The following SHISA7 variants were observed in gnomAD, a reference collection of about 807,000 sequenced individuals.
SHISA7 encodes the protein protein shisa-7.
Under a neutral mutation model 23.9 loss-of-function variants are expected in SHISA7, and 6 were observed. That is an observed-to-expected ratio of 0.25 (90% confidence interval 0.14 to 0.50). SHISA7 has a LOEUF of 0.50. Ranked by LOEUF, SHISA7 falls within the 20% of genes least tolerant of loss-of-function variation. The pLI is 0.98. For missense variants in SHISA7, 671 were observed against 801.1 expected (o/e 0.84, Z 1.96); for synonymous variants, 386 against 398.3 (o/e 0.97, Z 0.37).
chr19:55,433,310 G>A lies in SHISA7; in HGVS notation c.1463C>T (p.Pro488Leu), dbSNP rs940393004. ...CCCGCCGGCGTCGGACATCCAGGCC[G>A]GCTGCGGCGAGCCGTGCAGGGCGTG... ...HHHALHGSPQPAWMSDAGGGG... is the reference protein window; with the variant it reads ...HHHALHGSPQLAWMSDAGGGG... Residue 488 changes from proline (P) to leucine (L), a missense_variant, in exon 4 of 4, where the codon CCG (proline) becomes CTG (leucine). Physicochemically the swap from Pro to Leu is moderately conservative, Grantham distance 98 (BLOSUM62 -3). Around this residue, in one of 5 missense-constraint regions of SHISA7, gnomAD observed 457 missense variants for 488.3 expected, o/e 0.94. Coordinates refer to ENST00000376325, the MANE Select transcript of SHISA7 (RefSeq NM_001145176.2). This position sits in a 1 kb window ranked among gnomAD's most constrained non-coding sequence, Gnocchi z 8.4. 2.0e-6 allele frequency: 3 copies of A among 1,488,014 alleles called. No homozygotes were observed. Among genetic ancestry groups the A allele is most frequent in the Non-Finnish European group, 2.7e-6 (3 of 1,127,606 alleles). The allele number at this position is 1,488,014 out of a possible 1,614,324, so 92.2% of individuals were successfully genotyped here. A position where few individuals can be genotyped will look rare whatever the true frequency, so the allele number is the denominator to read the frequency against.
chr19:55,434,935 G>A (rs1306639114), intron 3 of SHISA7, among the ~76,000 whole-genome samples: 2 of 117,348 alleles, frequency 1.7e-5, no homozygotes, highest in African/African-American at 6.6e-5. Context: ...TGTATATGTG[G>A]TGTGTGTATG....
In SHISA7 at chr19:55,433,379, A is replaced by G; in HGVS notation, c.1394T>C (p.Leu465Pro). ...GCTGGACGGTGGCGGCAGCCCGCGC[A>G]GCGGTGTTGGGGGCCCCCCGGGCCC... ...LLGPGGPPTP[L>P]RGLPPPSSLH... The change falls in exon 4 of 4, where the codon CTG becomes CCG. Residue 465 changes from leucine to proline, a missense_variant. Leu to Pro is a moderately conservative substitution (Grantham distance 98). Transcript: ENST00000376325. This position sits in a 1 kb window ranked among gnomAD's most constrained non-coding sequence, Gnocchi z 8.4. 6.7e-6 allele frequency: 9 copies of G among 1,344,700 alleles called. No individual in the cohort carries two copies. The highest frequency in any genetic ancestry group is 8.5e-6 in the Non-Finnish European group (9 of 1,057,408). The allele number at this position is 1,344,700 out of a possible 1,614,324, so 83.3% of individuals were successfully genotyped here. A position where few individuals can be genotyped will look rare whatever the true frequency, so the allele number is the denominator to read the frequency against.
chr19:55,434,428 TGTGTGTGGTGTGTGTGTGTGG>T (rs1356710575), intron 3 of SHISA7, among the ~76,000 whole-genome samples: 3 of 133,982 alleles, frequency 2.2e-5, no homozygotes, highest in Non-Finnish European at 4.7e-5. Flanking sequence ...GTGTATGGTG[TGTGTGTGGTGTGTGTGTGTGG>T]GTGTGTGGTT....
At position 55,437,765 on chromosome 19, in the gene SHISA7, G is replaced by C; in HGVS notation, c.827-11C>G. On this transcript the variant is annotated splice_polypyrimidine_tract_variant and intron_variant, in intron 2 of 3. Transcript: ENST00000376325. ...GCAAGGCTCGCCAGTCTGGGTTAGAGGGGGCAGGGCCAGGGTCAGTCAGCT... is the reference window on the plus strand; with the variant it reads ...GCAAGGCTCGCCAGTCTGGGTTAGACGGGGCAGGGCCAGGGTCAGTCAGCT... The C allele has an allele frequency of 1.3e-6, 2 of 1,548,682 alleles. No homozygotes were observed. The highest frequency in any genetic ancestry group is 1.7e-6 in the Non-Finnish European group (2 of 1,145,772).
rs1392395972 is a variant in SHISA7, at chr19:55,433,086, C to G, written c.*70G>C. On this transcript the variant is annotated 3_prime_UTR_variant, in exon 4 of 4. Transcript: ENST00000376325. The surrounding 1 kb of genome is among the most constrained non-coding windows in gnomAD (Gnocchi z 8.4). ...GCCCCAGGCCCCTGGCATGTGTGCG[C>G]CTGTGTCGGGGGATCCAGGCTGGGA... 6.9e-7 allele frequency: 1 copy of G among 1,455,034 alleles called. No homozygotes were observed. The highest frequency in any genetic ancestry group is 9.0e-7 in the Non-Finnish European group (1 of 1,110,496). 90.1% of individuals were successfully genotyped at this position (1,455,034 alleles called of 1,614,324 possible). A position where few individuals can be genotyped will look rare whatever the true frequency, so the allele number is the denominator to read the frequency against.
chr19:55,434,826 TGTGTGGTGTGTG>T (rs1985365027), intron 3 of SHISA7, among the ~76,000 whole-genome samples: 3 of 71,990 alleles, frequency 4.2e-5, no homozygotes, highest in Non-Finnish European at 7.8e-5. Context: ...TGTGTATGTG[TGTGTGGTGTGTG>T]GTGTGTGTGT....
At chr19:55,438,857 C>T (rs1985528740) in intron 2 of SHISA7, among the ~76,000 whole-genome samples, 1 of 109,572 alleles carries the variant, frequency 9.1e-6, no homozygotes, top group Non-Finnish European at 1.8e-5. Flanking sequence ...GTGGTCTGTC[C>T]CAAGTTCTTA....
At chr19:55,437,263 A>G (rs1002875078) in intron 3 of SHISA7, among the ~76,000 whole-genome samples, 1 of 152,226 alleles carries the variant, frequency 6.6e-6, no homozygotes, top group Non-Finnish European at 1.5e-5. Flanking sequence ...TTGAGCCCCC[A>G]AAACAGCCAC....
intron 2 of SHISA7, among the ~76,000 whole-genome samples, chr19:55,439,003 C>T (rs1985533630): frequency 6.6e-6 from 1 of 152,162 alleles, no homozygotes; most frequent in South Asian, 2.1e-4. Context: ...CCTCCTGGAT[C>T]ACCAAAGCAG....
rs1985132710 is a variant in SHISA7, at chr19:55,429,838, C to G, written c.*3318G>C. On this transcript the variant is annotated 3_prime_UTR_variant, in exon 4 of 4. Transcript: ENST00000376325. The stretch of plus-strand genomic sequence containing the variant: ...GAGCACCCCTGGTCCCGCAGATGTG[C>G]TGGCAGGGACCATTGCTCTCCAGTG... 1 of 152,092 alleles carries G rather than the reference C, an allele frequency of 6.6e-6. No homozygotes were observed. The highest frequency in any genetic ancestry group is 6.5e-5 in the Admixed American group (1 of 15,276). The allele number at this position is 152,092 out of a possible 1,614,324, so 9.4% of individuals were successfully genotyped here. A position where few individuals can be genotyped will look rare whatever the true frequency, so the allele number is the denominator to read the frequency against.
intron 2 of SHISA7, chr19:55,438,488 G>T: frequency 8.0e-7 from 1 of 1,246,678 alleles, no homozygotes; most frequent in Non-Finnish European, 1.1e-6. Flanking sequence ...TGGGCACCTG[G>T]CATGGCTGGC....
At position 55,442,715 on chromosome 19, in the gene SHISA7, C is replaced by G; in HGVS notation, c.149G>C (p.Gly50Ala). The G allele has an allele frequency of 9.8e-7, 1 of 1,022,122 alleles. No homozygotes were observed. The allele number at this position is 1,022,122 out of a possible 1,614,324, so 63.3% of individuals were successfully genotyped here. ...GGCGCCTGGGCTCGCCGCGCCCCCGCCGCCCGTCAGCGCCCCGGTCAGGCG... is the reference window on the plus strand; with the variant it reads ...GGCGCCTGGGCTCGCCGCGCCCCCGGCGCCCGTCAGCGCCCCGGTCAGGCG... ...LRRLTGALTG[G>A]GGAASPGANG... Residue 50 changes from glycine (G) to alanine (A), a missense_variant, in exon 1 of 4, where the codon GGC (glycine) becomes GCC (alanine). This residue lies in a region of SHISA7 where 96 missense variants were observed against 113.1 expected (regional missense o/e 0.85). Coordinates refer to ENST00000376325, the MANE Select transcript of SHISA7 (RefSeq NM_001145176.2).
chr19:55,438,484 C>T lies in SHISA7; in HGVS notation c.827-730G>A, dbSNP rs1046845866. On this transcript the variant is annotated intron_variant, in intron 2 of 3. Transcript: ENST00000376325. ...TCTCACTCCTGCTCTATACTGGGCA[C>T]CTGGCATGGCTGGCCCAACACAAAG... 195 of 1,238,332 alleles carry T rather than the reference C, an allele frequency of 1.6e-4. No individual in the cohort carries two copies. The Admixed American group carries it at 4.1e-3, about 26-fold the overall frequency. The allele number at this position is 1,238,332 out of a possible 1,614,324, so 76.7% of individuals were successfully genotyped here. A position where few individuals can be genotyped will look rare whatever the true frequency, so the allele number is the denominator to read the frequency against.
chr19:55,442,571 C>T lies in SHISA7; in HGVS notation c.293G>A (p.Cys98Tyr). 6.8e-7 allele frequency: 1 copy of T among 1,476,230 alleles called. No individual in the cohort carries two copies. Among genetic ancestry groups the T allele is most frequent in the Non-Finnish European group, 9.0e-7 (1 of 1,107,926 alleles). 91.4% of individuals were successfully genotyped at this position (1,476,230 alleles called of 1,614,324 possible). A position where few individuals can be genotyped will look rare whatever the true frequency, so the allele number is the denominator to read the frequency against. The change falls in exon 1 of 4, where the codon TGC becomes TAC. Residue 98 changes from cysteine to tyrosine, a missense_variant. Physicochemically the swap from Cys to Tyr is radical, Grantham distance 194. Around this residue, in one of 5 missense-constraint regions of SHISA7, gnomAD observed 48 missense variants for 111.0 expected, o/e 0.43. Transcript: ENST00000376325. ...GCAGAAGCGGTAGGAGCCGGTGCTG[C>T]AGTTGAAGGTGGCGTCGTACTGGCC... The part of the protein sequence containing the change: ...VMGQYDATFN[C>Y]STGSYRFCCG...
chr19:55,433,685 A>G lies in SHISA7; in HGVS notation c.1088T>C (p.Met363Thr). 1.3e-6 allele frequency: 2 copies of G among 1,482,530 alleles called. No homozygotes were observed. Among genetic ancestry groups the G allele is most frequent in the South Asian group, 2.5e-5 (2 of 78,766 alleles). 91.8% of individuals were successfully genotyped at this position (1,482,530 alleles called of 1,614,324 possible). A position where few individuals can be genotyped will look rare whatever the true frequency, so the allele number is the denominator to read the frequency against. ...CTCCTCTGGGCCGCCCCAGGCCTCC[A>G]TGCGATAGCCGCCCCCCGTGCCCGG... ...RRPGTGGGYR[M>T]EAWGGPEELG... The change falls in exon 4 of 4, where the codon ATG becomes ACG. Residue 363 changes from methionine to threonine, a missense_variant. This residue lies in a region of SHISA7 where 457 missense variants were observed against 488.3 expected (regional missense o/e 0.94). Transcript: ENST00000376325. This position sits in a 1 kb window ranked among gnomAD's most constrained non-coding sequence, Gnocchi z 8.4.
chr19:55,433,332 C>A lies in SHISA7; in HGVS notation c.1441G>T (p.Ala481Ser), dbSNP rs1470651612. ...PSSLHAHHHH[A>S]LHGSPQPAWM... ...GCCGGCTGCGGCGAGCCGTGCAGGG[C>A]GTGGTGGTGGTGGGCGTGCAGGCTG... Residue 481 changes from alanine (A) to serine (S), a missense_variant, in exon 4 of 4, where the codon GCC (alanine) becomes TCC (serine). Ala to Ser is a moderately conservative substitution (Grantham distance 99, BLOSUM62 1). Around this residue, in one of 5 missense-constraint regions of SHISA7, gnomAD observed 457 missense variants for 488.3 expected, o/e 0.94. Transcript: ENST00000376325. This position sits in a 1 kb window ranked among gnomAD's most constrained non-coding sequence, Gnocchi z 8.4. 9.8e-6 allele frequency: 14 copies of A among 1,435,368 alleles called. No individual in the cohort carries two copies. The Admixed American group carries it at 2.0e-4, about 20-fold the overall frequency. 88.9% of individuals were successfully genotyped at this position (1,435,368 alleles called of 1,614,324 possible). A position where few individuals can be genotyped will look rare whatever the true frequency, so the allele number is the denominator to read the frequency against.
rs1985145421 is a variant in SHISA7, at chr19:55,430,150, G to C, written c.*3006C>G. The C allele has an allele frequency of 6.6e-6, 1 of 152,246 alleles. No individual in the cohort carries two copies. The highest frequency in any genetic ancestry group is 6.5e-5 in the Admixed American group (1 of 15,282). 9.4% of individuals were successfully genotyped at this position (152,246 alleles called of 1,614,324 possible). On this transcript the variant is annotated 3_prime_UTR_variant, in exon 4 of 4. Coordinates refer to ENST00000376325, the MANE Select transcript of SHISA7 (RefSeq NM_001145176.2). ...CAGCGCTGCTGTCAGGAGGGGCCTG[G>C]GTGCCTCACCGGGGGGTAAGGTGAG...
chr19:55,441,693 A>G (rs148291085), intron 1 of SHISA7, among the ~76,000 whole-genome samples: 10 of 152,184 alleles, frequency 6.6e-5, no homozygotes, highest in African/African-American at 2.4e-4. Context: ...GGCCACTGAT[A>G]GTTAATGAGC....
chr19:55,437,094 G>C (rs1985479918), intron 3 of SHISA7, among the ~76,000 whole-genome samples: 1 of 152,166 alleles, frequency 6.6e-6, no homozygotes, highest in Non-Finnish European at 1.5e-5. Context: ...CCAGGCCTGG[G>C]ATTTTTTGCC....
Sources: allele counts gnomAD v4.1 joint callset (sites outside exome capture counted in the v4.1 genomes callset), GRCh38; gene constraint gnomAD v4.1.1; regional missense constraint gnomAD v4.1.1; non-coding constraint Gnocchi (gnomAD v3.1); transcripts MANE v1.5; gene names NCBI Gene and HGNC (gene_info 2026-07-23, HGNC 2026-07-21).